GCSAML: variants seen among roughly 807,000 people sequenced by gnomAD.
The protein encoded by GCSAML is germinal center associated signaling and motility like.
In GCSAML, 9 loss-of-function variants were observed where a neutral mutation model predicts 13.0. The observed-to-expected ratio is 0.69, with a 90% CI of 0.42 to 1.21. The LOEUF is 1.21. Among genes scored for constraint, GCSAML ranks in the 50% most tolerant of loss-of-function variants. The pLI is 0.00. For synonymous variants in GCSAML, 37 were observed against 52.9 expected, an observed-to-expected ratio of 0.70 and a Z score of 1.31; for missense variants, 143 against 153.4, an observed-to-expected ratio of 0.93 and a Z score of 0.36.
intron 2 of GCSAML, among the ~76,000 whole-genome samples, chr1:247,562,612 T>C (rs1668172546): frequency 1.3e-5 from 2 of 152,196 alleles, no homozygotes; most frequent in African/African-American, 2.4e-5. Flanking sequence ...ATCTCTCTAC[T>C]GTGTACCTAG....
intron 1 of GCSAML, among the ~76,000 whole-genome samples, chr1:247,551,303 G>A (rs1667770217): frequency 6.6e-6 from 1 of 152,218 alleles, no homozygotes; most frequent in African/African-American, 2.4e-5. Flanking sequence ...CCAAGCTGAA[G>A]GGACAACCTG....
chr1:247,536,417 G>A (rs1006412705), intron 2 of GCSAML: 2 of 152,190 alleles, frequency 1.3e-5, no homozygotes, highest in South Asian at 2.1e-4. Context: ...AAATCACAAT[G>A]GGATTGAACT....
chr1:247,566,277 C>G (rs1260558233), intron 4 of GCSAML, among the ~76,000 whole-genome samples: 1 of 152,212 alleles, frequency 6.6e-6, no homozygotes, highest in Admixed American at 6.5e-5. Context: ...GAGTCACACT[C>G]TGTCATCCAG....
intron 1 of GCSAML, among the ~76,000 whole-genome samples, chr1:247,516,991 A>C (rs11580591): frequency 0.32 from 48,386 of 152,070 alleles, 8,457 homozygotes; most frequent in East Asian, 0.55. Flanking sequence ...TACTACCAAA[A>C]TAACTCTCTA....
At chr1:247,518,420 C>G (rs761184767) in intron 1 of GCSAML, 5 of 152,360 alleles carry the variant, frequency 3.3e-5, no homozygotes, top group Non-Finnish European at 7.3e-5. Flanking sequence ...CATGCGGTCT[C>G]AGCGCCCGGC....
rs1668193164 is a variant in GCSAML, at chr1:247,563,007, T to C, written c.90-583T>C. 4.3e-4 allele frequency among the ~76,000 whole-genome samples: 9 copies of C among 20,952 alleles called. No homozygotes were observed. The South Asian group carries it at 0.026, about 60-fold the overall frequency. The allele number at this position is 20,952 out of a possible 152,430, so 13.7% of individuals were successfully genotyped here. A position where few individuals can be genotyped will look rare whatever the true frequency, so the allele number is the denominator to read the frequency against. On this transcript the variant is annotated intron_variant, in intron 2 of 4. Transcript: ENST00000366488. Reference sequence around the variant, plus strand: ...AGTGCATGCCACCGTACCCAGCTCATTTTTTTTTTTTTTTTGTATTTTAGT... The same window carrying C: ...AGTGCATGCCACCGTACCCAGCTCACTTTTTTTTTTTTTTTGTATTTTAGT...
intron 2 of GCSAML, chr1:247,536,185 C>T (rs148290947): frequency 1.3e-5 from 2 of 152,278 alleles, no homozygotes; most frequent in East Asian, 3.9e-4. Flanking sequence ...GAGCTAGCAG[C>T]ATCATCTCTA....
At chr1:247,566,960 A>C (rs1241554364) in intron 4 of GCSAML, among the ~76,000 whole-genome samples, 1 of 151,830 alleles carries the variant, frequency 6.6e-6, no homozygotes, top group African/African-American at 2.4e-5. Flanking sequence ...AAAGTATAGA[A>C]GTGCTTTTCC....
At chr1:247,520,155 C>G (rs1008532326) in intron 1 of GCSAML, among the ~76,000 whole-genome samples, 1 of 152,204 alleles carries the variant, frequency 6.6e-6, no homozygotes, top group African/African-American at 2.4e-5. Context: ...TTTCCATGAA[C>G]TACTTAGTTC....
rs556863089 is a variant in GCSAML, at chr1:247,557,970, C to T, written c.89+1504C>T. 4.6e-5 allele frequency among the ~76,000 whole-genome samples: 7 copies of T among 152,290 alleles called. No homozygotes were observed. In the South Asian group the frequency reaches 1.5e-3, roughly 32 times the overall value. On this transcript the variant is annotated intron_variant, in intron 2 of 4. Transcript: ENST00000366488. Reference sequence around the variant, plus strand: ...TTCATCATGTCTAAAGTGAGATCTGCACTAGATGTCATTCTCTAATATTTT... The same window carrying T: ...TTCATCATGTCTAAAGTGAGATCTGTACTAGATGTCATTCTCTAATATTTT...
At chr1:247,563,825 G>A (rs1668233395) in intron 3 of GCSAML, among the ~76,000 whole-genome samples, 186 bp downstream of exon 3, 2 of 152,094 alleles carry the variant, frequency 1.3e-5, no homozygotes, top group Admixed American at 1.3e-4. Flanking sequence ...TATTTTTTGA[G>A]TGACATTTAA....
At chr1:247,562,421 G>A (rs919683548) in intron 2 of GCSAML, among the ~76,000 whole-genome samples, 2 of 152,112 alleles carry the variant, frequency 1.3e-5, no homozygotes, top group Admixed American at 6.5e-5. Context: ...ACTGCTCAGG[G>A]CTGGCTGGGT....
chr1:247,571,592 T>C (rs1176055), intron 4 of GCSAML, among the ~76,000 whole-genome samples: 88,118 of 152,010 alleles, frequency 0.58, 26,123 homozygotes, highest in East Asian at 0.79. Context: ...TGGGCTTCCC[T>C]TTGTGGGTAA....
At chr1:247,530,821 T>C (rs540538678) in intron 2 of GCSAML, 4 of 10,968 alleles carry the variant, frequency 3.6e-4, no homozygotes, top group African/African-American at 8.2e-4. Flanking sequence ...TGGACCGCCT[T>C]CCTCGCCCTC....
chr1:247,555,680 A>T (rs1016350206), intron 1 of GCSAML, among the ~76,000 whole-genome samples: 1 of 152,230 alleles, frequency 6.6e-6, no homozygotes, highest in Admixed American at 6.5e-5. Flanking sequence ...CCAGTGCTGC[A>T]GAAGTGACAA....
chr1:247,509,679 A>G (rs369065697), intron 1 of GCSAML, among the ~76,000 whole-genome samples: 3 of 152,202 alleles, frequency 2.0e-5, no homozygotes, highest in African/African-American at 7.2e-5. Context: ...GCATTCCATC[A>G]GTACCTAGTT....
intron 2 of GCSAML, among the ~76,000 whole-genome samples, chr1:247,543,230 T>C (rs1056758650): frequency 6.6e-6 from 1 of 152,244 alleles, no homozygotes; most frequent in East Asian, 1.9e-4. Context: ...TTATTAAGCA[T>C]GTGTCAAAGC....
chr1:247,538,779 A>G (rs777264580), intron 2 of GCSAML: 1 of 456,508 alleles, frequency 2.2e-6, no homozygotes, highest in South Asian at 1.5e-5. Context: ...TTGGACTTCC[A>G]GTCTCCAGAA....
chr1:247,567,807 G>A (rs368232260), intron 4 of GCSAML, among the ~76,000 whole-genome samples: 11 of 152,240 alleles, frequency 7.2e-5, no homozygotes, highest in South Asian at 6.2e-4. Flanking sequence ...GTGTAAAAGC[G>A]TTCCTATTTC....
Sources: allele counts gnomAD v4.1 joint callset (sites outside exome capture counted in the v4.1 genomes callset), GRCh38; gene constraint gnomAD v4.1.1; transcripts MANE v1.5; gene names NCBI Gene and HGNC (gene_info 2026-07-23, HGNC 2026-07-21).